The following RSRC1 variants were observed in gnomAD, a reference collection of about 807,000 sequenced individuals.
RSRC1 encodes the protein arginine and serine rich coiled-coil 1, also known as serine/Arginine-related protein 53.
RSRC1 carries 39 observed loss-of-function variants against 49.1 expected under a neutral mutation model. That is an observed-to-expected ratio of 0.79 (90% confidence interval 0.61 to 1.04). The LOEUF (loss-of-function observed/expected upper bound fraction) is 1.04, where lower values mean the gene tolerates loss of function less well. Among genes scored for constraint, RSRC1 ranks in the 50% least tolerant of loss-of-function variants. RSRC1 has a pLI of 0.00. For missense variants in RSRC1, 388 were observed against 402.4 expected (o/e 0.96, Z 0.31); for synonymous variants, 143 against 130.8 (o/e 1.09, Z -0.63).
intron 4 of RSRC1, among the ~76,000 whole-genome samples, chr3:158,262,779 T>TA (rs1724973495): frequency 6.6e-6 from 1 of 152,038 alleles, no homozygotes; most frequent in Admixed American, 6.6e-5. Flanking sequence ...TCTCTGACAT[T>TA]AAAAAAATTT....
At chr3:158,527,401 C>G (rs939003843) in intron 7 of RSRC1, among the ~76,000 whole-genome samples, 3 of 151,774 alleles carry the variant, frequency 2.0e-5, no homozygotes, top group Admixed American at 2.0e-4. Flanking sequence ...ATAGGAGTGA[C>G]CCTAATCAAT....
chr3:158,219,292 T>G, intron 4 of RSRC1, among the ~76,000 whole-genome samples: 1 of 151,584 alleles, frequency 6.6e-6, no homozygotes, highest in East Asian at 1.9e-4. Context: ...TTTTTTTCTT[T>G]TGTTTTCTTT....
chr3:158,515,107 G>C (rs1217009710), intron 7 of RSRC1, among the ~76,000 whole-genome samples: 1 of 148,822 alleles, frequency 6.7e-6, no homozygotes, highest in East Asian at 2.0e-4. Flanking sequence ...GGAGCATTTA[G>C]TCCATTTACA....
At chr3:158,217,589 C>T (rs1009157204) in intron 4 of RSRC1, among the ~76,000 whole-genome samples, 1 of 151,478 alleles carries the variant, frequency 6.6e-6, no homozygotes, top group Non-Finnish European at 1.5e-5. Context: ...CATGCAGGAA[C>T]AGTGATAACT....
chr3:158,434,805 A>G (rs1398423494), intron 6 of RSRC1, among the ~76,000 whole-genome samples: 1 of 151,980 alleles, frequency 6.6e-6, no homozygotes, highest in Non-Finnish European at 1.5e-5. Flanking sequence ...AAATATGAAT[A>G]CTTATGCTCA....
intron 6 of RSRC1, among the ~76,000 whole-genome samples, chr3:158,358,406 A>G (rs12487873): frequency 0.13 from 20,452 of 151,932 alleles, 1,492 homozygotes; most frequent in Middle Eastern, 0.2. Flanking sequence ...TTATTCCATT[A>G]CCTCCTAATT....
At position 158,229,771 on chromosome 3, in the gene RSRC1, CTT is replaced by C. The variant is rs1402332287; in HGVS notation, c.494+26528_494+26529del. 8.7e-5 allele frequency among the ~76,000 whole-genome samples: 8 copies of C among 91,712 alleles called. No homozygotes were observed. In the East Asian group the frequency reaches 2.5e-3, roughly 29 times the overall value. 60.2% of individuals were successfully genotyped at this position (91,712 alleles called of 152,430 possible). Reference sequence around the variant, plus strand: ...TGCCCCATTTGCTTTATCAAATTCTCTTTGTTTCTCTTGACTACACACATGTA... The same window carrying C: ...TGCCCCATTTGCTTTATCAAATTCTCTGTTTCTCTTGACTACACACATGTA... On this transcript the variant is annotated intron_variant, in intron 4 of 9. Transcript: ENST00000611884.
chr3:158,290,430 G>A (rs993232489), intron 4 of RSRC1, among the ~76,000 whole-genome samples: 7 of 151,744 alleles, frequency 4.6e-5, no homozygotes, highest in Admixed American at 1.3e-4. Flanking sequence ...CCGCCACCAC[G>A]CCCAGCTAAT....
intron 3 of RSRC1, among the ~76,000 whole-genome samples, chr3:158,185,333 T>G (rs1031813365): frequency 1.3e-5 from 2 of 152,080 alleles, no homozygotes; most frequent in Non-Finnish European, 1.5e-5. Flanking sequence ...AACTCTCCAC[T>G]GCAGAGATGG....
chr3:158,405,703 C>T (rs935333174), intron 6 of RSRC1, among the ~76,000 whole-genome samples: 3 of 152,042 alleles, frequency 2.0e-5, no homozygotes, highest in African/African-American at 7.2e-5. Flanking sequence ...AGCTAAACAA[C>T]AGGTTGATGC....
At chr3:158,343,050 G>A (rs1578364096) in intron 5 of RSRC1, among the ~76,000 whole-genome samples, 1 of 152,308 alleles carries the variant, frequency 6.6e-6, no homozygotes, top group South Asian at 2.1e-4. Flanking sequence ...GATCCTCACA[G>A]GGTGCCCCTT....
At chr3:158,518,114 G>GCATA (rs1203824123) in intron 7 of RSRC1, among the ~76,000 whole-genome samples, 4 of 77,592 alleles carry the variant, frequency 5.2e-5, no homozygotes, top group African/African-American at 3.1e-4. Flanking sequence ...GTGTGTGTGT[G>GCATA]TGTGTGTGTG....
intron 4 of RSRC1, among the ~76,000 whole-genome samples, chr3:158,272,552 A>G (rs1174825084): frequency 6.6e-6 from 1 of 151,946 alleles, no homozygotes; most frequent in East Asian, 1.9e-4. Context: ...GAAGTTTTTA[A>G]TCTTATGTTT....
chr3:158,121,327 A>C (rs1355341013), intron 1 of RSRC1, among the ~76,000 whole-genome samples: 1 of 152,096 alleles, frequency 6.6e-6, no homozygotes, highest in Non-Finnish European at 1.5e-5. Flanking sequence ...TGTGTAATAT[A>C]CACATACAAA....
At chr3:158,209,021 A>G (rs1276198313) in intron 4 of RSRC1, among the ~76,000 whole-genome samples, 3 of 152,220 alleles carry the variant, frequency 2.0e-5, no homozygotes, top group African/African-American at 4.8e-5. Flanking sequence ...AGTAGCCACT[A>G]GTGATGTTCT....
At chr3:158,149,240 A>G (rs547094597) in intron 3 of RSRC1, among the ~76,000 whole-genome samples, 1 of 152,176 alleles carries the variant, frequency 6.6e-6, no homozygotes, top group African/African-American at 2.4e-5. Context: ...AGCTCCTTTG[A>G]TATTTCTATT....
chr3:158,170,588 G>A lies in RSRC1; in HGVS notation c.321-32484G>A, dbSNP rs571855272. On this transcript the variant is annotated intron_variant, in intron 3 of 9. Coordinates refer to ENST00000611884, the MANE Select transcript of RSRC1 (RefSeq NM_001271838.2). ...GGGAGGATACTCAAAACTTAAAGAA[G>A]TGTCTCATATGCACTGAGTTGCTCA... Among the ~76,000 whole-genome samples the A allele has an allele frequency of 3.9e-5, 6 of 152,238 alleles. No individual in the cohort carries two copies. The South Asian group carries it at 1.0e-3, about 26-fold the overall frequency.
At chr3:158,172,197 T>G (rs929762377) in intron 3 of RSRC1, among the ~76,000 whole-genome samples, 1 of 152,134 alleles carries the variant, frequency 6.6e-6, no homozygotes, top group African/African-American at 2.4e-5. Context: ...AGTTATACAT[T>G]TTTAGATTTA....
intron 5 of RSRC1, among the ~76,000 whole-genome samples, chr3:158,349,671 T>A (rs1730750899): frequency 6.6e-6 from 1 of 151,082 alleles, no homozygotes; most frequent in African/African-American, 2.4e-5. Flanking sequence ...ACACTAAAAG[T>A]TTACATTATT....
Sources: gnomAD v4.1 joint callset for allele counts (sites outside exome capture counted in the v4.1 genomes callset) on GRCh38, gnomAD v4.1.1 for gene constraint, MANE v1.5 for transcripts, NCBI Gene and HGNC (gene_info 2026-07-23, HGNC 2026-07-21) for gene names.